Variants in MMP26 observed in about 807,000 individuals in gnomAD.
MMP26 encodes the protein matrix metallopeptidase 26.
In MMP26, 33 loss-of-function variants were observed where a neutral mutation model predicts 31.0. The ratio of observed to expected loss-of-function variants is 1.06; its 90% CI spans 0.81 to 1.42. The LOEUF (loss-of-function observed/expected upper bound fraction) is 1.42. Ranked by LOEUF, MMP26 falls within the 40% of genes most tolerant of loss-of-function variation. The pLI, the probability that MMP26 is intolerant of heterozygous loss-of-function variation, is 0.00. For synonymous variants in MMP26, 122 were observed against 114.9 expected (o/e 1.06, Z -0.40); for missense variants, 347 against 316.1 (o/e 1.10, Z -0.74).
At chr11:4,963,693 CT>C (rs1370810690) in intron 2 of MMP26, among the ~76,000 whole-genome samples, 2 of 152,190 alleles carry the variant, frequency 1.3e-5, no homozygotes, top group Non-Finnish European at 2.9e-5. Context: ...GATTGATACA[CT>C]GTCTTCACAA....
At chr11:4,884,771 TC>T (rs1394699263) in intron 2 of MMP26, among the ~76,000 whole-genome samples, 2 of 152,200 alleles carry the variant, frequency 1.3e-5, no homozygotes, top group Non-Finnish European at 2.9e-5. Context: ...GTATTTTTTT[TC>T]TTTCTTAAGT....
rs1172592282 is a variant in MMP26 at position 4,953,751 on chromosome 11, C to T, written c.-144-34317C>T. Among the ~76,000 whole-genome samples the T allele has an allele frequency of 7.2e-5, 9 of 124,832 alleles. 2 individuals carry two copies. Among genetic ancestry groups the T allele is most frequent in the African/African-American group, 2.5e-4 (9 of 36,728 alleles). 81.9% of individuals were successfully genotyped at this position (124,832 alleles called of 152,430 possible). A position where few individuals can be genotyped will look rare whatever the true frequency, so the allele number is the denominator to read the frequency against. ...AAAGGGTCCAGCTCATGTAGGGTCT[C>T]GGAATATGTTCTTCCTTCGGCTTGG... On this transcript the variant is annotated intron_variant, in intron 2 of 7. Transcript: ENST00000380390.
At chr11:4,710,700 C>T (rs1810840915) in intron 1 of MMP26, 1 of 337,626 alleles carries the variant, frequency 3.0e-6, no homozygotes. Context: ...GAGATTATGT[C>T]GGTACTTCTG....
At chr11:4,914,722 G>A (rs191501101) in intron 2 of MMP26, 49 of 1,606,400 alleles carry the variant, frequency 3.1e-5, no homozygotes, top group African/African-American at 1.1e-4. Context: ...GACACAGTTA[G>A]TAACAAAAGG....
intron 2 of MMP26, among the ~76,000 whole-genome samples, chr11:4,885,757 A>G (rs893158858): frequency 1.3e-5 from 2 of 152,116 alleles, no homozygotes; most frequent in Non-Finnish European, 1.5e-5. Context: ...ATGCAAAGGT[A>G]TGTCTTAAAT....
intron 2 of MMP26, among the ~76,000 whole-genome samples, chr11:4,974,304 A>G (rs182671925): frequency 2.2e-4 from 34 of 152,092 alleles, no homozygotes; most frequent in Non-Finnish European, 4.6e-4. Context: ...GCTGAAAAAA[A>G]AGGTCTAAAA....
intron 2 of MMP26, among the ~76,000 whole-genome samples, chr11:4,823,221 A>G (rs1029579080): frequency 6.6e-6 from 1 of 151,796 alleles, no homozygotes; most frequent in Non-Finnish European, 1.5e-5. Context: ...AGTGAATATT[A>G]ACATAAGACA....
chr11:4,911,968 C>G (rs1159733286), intron 2 of MMP26, among the ~76,000 whole-genome samples: 1 of 152,162 alleles, frequency 6.6e-6, no homozygotes, highest in Non-Finnish European at 1.5e-5. Context: ...ATAAGCACTT[C>G]AAGCCTTAAC....
intron 1 of MMP26, among the ~76,000 whole-genome samples, chr11:4,717,892 G>C (rs1847956444): frequency 6.6e-6 from 1 of 152,126 alleles, no homozygotes; most frequent in Non-Finnish European, 1.5e-5. Context: ...TTGGGATGCA[G>C]GATAAAAATT....
At chr11:4,798,974 C>A (rs541730045) in intron 2 of MMP26, among the ~76,000 whole-genome samples, 1 of 152,204 alleles carries the variant, frequency 6.6e-6, no homozygotes, top group Non-Finnish European at 1.5e-5. Flanking sequence ...GCTGATGTAC[C>A]AGGAGCTGCC....
At chr11:4,854,434 G>A (rs1850020159) in intron 2 of MMP26, among the ~76,000 whole-genome samples, 2 of 152,202 alleles carry the variant, frequency 1.3e-5, no homozygotes, top group South Asian at 2.1e-4. Flanking sequence ...CTGGCTCGGA[G>A]GGTCCCACGC....
At chr11:4,723,546 G>C in intron 1 of MMP26, 1 of 1,198,070 alleles carries the variant, frequency 8.3e-7, no homozygotes, top group Non-Finnish European at 1.2e-6. Flanking sequence ...GCCCTTCCAG[G>C]AGAGACTCCA....
At position 4,748,119 on chromosome 11, in the gene MMP26, C is replaced by A. The variant is rs73393022; in HGVS notation, c.-216-19151C>A. 9.0e-3 allele frequency among the ~76,000 whole-genome samples: 1,372 copies of A among 152,054 alleles called. 15 individuals are homozygous for A. The highest frequency in any genetic ancestry group is 0.032 in the African/African-American group (1,323 of 41,508). ...CTCAGAAATGAAAAAGGAGACATTACAATTGATATCATAGAAATACAAAAG... is the reference window on the plus strand; with the variant it reads ...CTCAGAAATGAAAAAGGAGACATTAAAATTGATATCATAGAAATACAAAAG... On this transcript the variant is annotated intron_variant, in intron 1 of 7. Coordinates refer to ENST00000380390, the MANE Select transcript of MMP26 (RefSeq NM_021801.5).
chr11:4,923,943 G>T lies in MMP26; in HGVS notation c.-144-64125G>T, dbSNP rs1304199242. The T allele has an allele frequency of 1.9e-6, 3 of 1,614,026 alleles. No homozygotes were observed. The African/African-American group carries it at 4.0e-5, about 22-fold the overall frequency. Reference sequence around the variant, plus strand: ...GCAGGTGTCAGGACGGTGGAGTCATGCAGTGGGTTGCAGACGGCCACGTAG... The same window carrying T: ...GCAGGTGTCAGGACGGTGGAGTCATTCAGTGGGTTGCAGACGGCCACGTAG... On this transcript the variant is annotated intron_variant, in intron 2 of 7. Coordinates refer to ENST00000380390, the MANE Select transcript of MMP26 (RefSeq NM_021801.5).
chr11:4,762,329 A>G (rs1848578309), intron 1 of MMP26, among the ~76,000 whole-genome samples: 1 of 152,204 alleles, frequency 6.6e-6, no homozygotes, highest in Non-Finnish European at 1.5e-5. Context: ...TACATATAGG[A>G]GTCAGAAAAA....
At chr11:4,936,522 G>T (rs572192627) in intron 2 of MMP26, among the ~76,000 whole-genome samples, 1 of 152,186 alleles carries the variant, frequency 6.6e-6, no homozygotes, top group South Asian at 2.1e-4. Flanking sequence ...GTCAGGGAAG[G>T]CTTCATAGTG....
rs535349900 is a variant in MMP26, at chr11:4,862,943, G to C, written c.-145+95602G>C. On this transcript the variant is annotated intron_variant, in intron 2 of 7. Coordinates refer to ENST00000380390, the MANE Select transcript of MMP26 (RefSeq NM_021801.5). ...ACCTTCTGCCTGCACTCTGAGGAGG[G>C]GTTTTGTTTTTCTTTAAATGTCAAG... Among the ~76,000 whole-genome samples the C allele has an allele frequency of 2.0e-5, 3 of 152,126 alleles. No homozygotes were observed. The East Asian group carries it at 5.8e-4, about 29-fold the overall frequency.
chr11:4,710,472 C>T lies in MMP26; in HGVS notation c.-217+5427C>T, dbSNP rs149690198. ...CTACAGTGTAAAGACCAAGTAAATTCGCAAGGCTGTGCTCAAAGCATTTCT... is the reference window on the plus strand; with the variant it reads ...CTACAGTGTAAAGACCAAGTAAATTTGCAAGGCTGTGCTCAAAGCATTTCT... On this transcript the variant is annotated intron_variant, in intron 1 of 7. Coordinates refer to ENST00000380390, the MANE Select transcript of MMP26 (RefSeq NM_021801.5). The T allele has an allele frequency of 1.6e-4, 73 of 445,358 alleles. No individual in the cohort carries two copies. The East Asian group carries it at 4.3e-3, about 26-fold the overall frequency. 27.6% of individuals were successfully genotyped at this position (445,358 alleles called of 1,614,324 possible).
At chr11:4,908,579 A>G (rs1340656433) in intron 2 of MMP26, 2 of 478,202 alleles carry the variant, frequency 4.2e-6, no homozygotes, top group Non-Finnish European at 7.6e-6. Flanking sequence ...GAGTCAACCC[A>G]TAAAGAATGA....
Sources: gnomAD v4.1 joint callset for allele counts (sites outside exome capture counted in the v4.1 genomes callset) on GRCh38, gnomAD v4.1.1 for gene constraint, MANE v1.5 for transcripts, NCBI Gene and HGNC (gene_info 2026-07-23, HGNC 2026-07-21) for gene names.